HOMER2: variants seen among roughly 807,000 people sequenced by gnomAD.
The protein encoded by HOMER2 is homer protein homolog 2.
HOMER2 carries 27 observed loss-of-function variants against 47.0 expected under a neutral mutation model. The observed-to-expected ratio is 0.57, with a 90% CI of 0.42 to 0.79. The LOEUF (loss-of-function observed/expected upper bound fraction) is 0.79, where lower values mean the gene tolerates loss of function less well. HOMER2 is among the 30% of genes least tolerant of loss of function. The pLI is 0.00. For synonymous variants in HOMER2, 161 were observed against 163.8 expected (o/e 0.98, Z 0.13); for missense variants, 443 against 435.0 (o/e 1.02, Z -0.16).
chr15:82,975,628 A>T (rs1045983990), intron 1 of HOMER2, among the ~76,000 whole-genome samples: 1 of 152,266 alleles, frequency 6.6e-6, no homozygotes, highest in Non-Finnish European at 1.5e-5. Flanking sequence ...CAAACATTGC[A>T]TGTTCTCACT....
chr15:82,866,912 C>T (rs1010476073), intron 3 of HOMER2, among the ~76,000 whole-genome samples: 11 of 152,044 alleles, frequency 7.2e-5, no homozygotes, highest in Admixed American at 5.2e-4. Context: ...GACTAATATA[C>T]CCTATCAGAT....
At position 82,892,837 on chromosome 15, in the gene HOMER2, G is replaced by A; in HGVS notation, c.10C>T (p.Gln4Ter). ...TGCGCTCGGGTGGTGAAGATGGGCTGTTCTCTGCAATAAGAGAGTGGGCGT... is the reference window on the plus strand; with the variant it reads ...TGCGCTCGGGTGGTGAAGATGGGCTATTCTCTGCAATAAGAGAGTGGGCGT... The part of the protein sequence containing the change: MGE[Q>*]PIFTTRAHVF... The change falls in exon 2 of 9, where the codon CAG becomes TAG. Residue 4 changes from glutamine to a stop codon, truncating the protein, a stop_gained. Coordinates refer to ENST00000450735, the MANE Select transcript of HOMER2 (RefSeq NM_004839.4). LOFTEE classifies it high-confidence loss of function. 2 of 1,579,524 alleles carry A rather than the reference G, an allele frequency of 1.3e-6. No individual in the cohort carries two copies. Among genetic ancestry groups the A allele is most frequent in the Non-Finnish European group, 8.6e-7 (1 of 1,156,744 alleles).
chr15:82,961,796 T>TAA (rs2054632514), intron 1 of HOMER2, among the ~76,000 whole-genome samples: 1 of 152,104 alleles, frequency 6.6e-6, no homozygotes, highest in African/African-American at 2.4e-5. Flanking sequence ...TATTTTGAGA[T>TAA]AGAGTGGCCC....
In HOMER2 at chr15:82,852,214, T is replaced by C; in HGVS notation, c.690A>G (p.Arg230=). 1 of 1,613,968 alleles carries C rather than the reference T, an allele frequency of 6.2e-7. No individual in the cohort carries two copies. Among genetic ancestry groups the C allele is most frequent in the Non-Finnish European group, 8.5e-7 (1 of 1,179,854 alleles). The change falls in exon 7 of 9, where the codon AGA becomes AGG. Residue 230 remains arginine (R), a synonymous_variant. Coordinates refer to ENST00000450735, the MANE Select transcript of HOMER2 (RefSeq NM_004839.4). ...ELEEQCSEIN[R]EKEKNTQLKR... is the part of the protein sequence containing the mutation. ...TCAGCTGCGTGTTCTTCTCCTTCTC[T>C]CTGTTGATCTCACTGCATTGTTCTT...
chr15:82,968,312 A>G (rs1299964183), intron 1 of HOMER2, among the ~76,000 whole-genome samples: 1 of 152,250 alleles, frequency 6.6e-6, no homozygotes, highest in African/African-American at 2.4e-5. Flanking sequence ...CCAGTTAGTC[A>G]GTCAGTCCTC....
chr15:82,980,149 GT>G (rs966710919), intron 1 of HOMER2, among the ~76,000 whole-genome samples: 1 of 150,852 alleles, frequency 6.6e-6, no homozygotes, highest in Admixed American at 6.7e-5. Flanking sequence ...TGTACATCAT[GT>G]TTTTTTGTTA....
intron 1 of HOMER2, chr15:82,952,067 C>T (rs2054517904): frequency 1.0e-6 from 1 of 982,426 alleles, no homozygotes; most frequent in Admixed American, 6.1e-5. Context: ...CCAAAGTCCA[C>T]TATTCCTACG....
chr15:82,840,047 A>T (rs1471538878), exon 2 of HOMER2: 1 of 152,072 alleles, frequency 6.6e-6, no homozygotes, highest in Non-Finnish European at 1.5e-5. Flanking sequence ...CTCCAGTAAA[A>T]AATAAAGTCA....
intron 2 of HOMER2, among the ~76,000 whole-genome samples, chr15:82,891,296 C>G (rs3784366): frequency 0.16 from 24,663 of 152,090 alleles, 2,629 homozygotes; most frequent in African/African-American, 0.29. Context: ...CATTGCCTCT[C>G]CTTAGACCTC....
rs966214957 is a variant in HOMER2 at position 82,974,092 on chromosome 15, A to G, written n.82+11695T>C. ...CAGCCTGGGTGAAAAAATTAAGCCA[A>G]TGTCCTTCCCACTTAAAAATACTAA... On this transcript the variant is annotated intron_variant and non_coding_transcript_variant, in intron 1 of 1. Coordinates refer to the HOMER2 transcript ENST00000500334. 2.0e-5 allele frequency among the ~76,000 whole-genome samples: 3 copies of G among 151,362 alleles called. No individual in the cohort carries two copies. In the East Asian group the frequency reaches 5.9e-4, roughly 30 times the overall value.
intron 7 of HOMER2, 23 bp downstream of exon 7, chr15:82,852,119 C>A (rs1310779606): frequency 6.3e-7 from 1 of 1,574,884 alleles, no homozygotes; most frequent in South Asian, 1.1e-5. Flanking sequence ...CCAAGGGGCC[C>A]TGCTCGGAGC....
chr15:82,854,372 C>T (rs2051495010), intron 6 of HOMER2, among the ~76,000 whole-genome samples: 1 of 152,088 alleles, frequency 6.6e-6, no homozygotes, highest in African/African-American at 2.4e-5. Flanking sequence ...TGCCACTGCA[C>T]TCCAGCCTGG....
intron 1 of HOMER2, among the ~76,000 whole-genome samples, chr15:82,922,572 AT>A (rs1410743023): frequency 2.0e-5 from 3 of 152,222 alleles, no homozygotes; most frequent in Non-Finnish European, 4.4e-5. Context: ...GAGAGGCCAC[AT>A]TCAATAGAAA....
chr15:82,892,742 G>A lies in HOMER2; in HGVS notation c.105C>T (p.Ser35=), dbSNP rs1484836360. 1.2e-6 allele frequency: 2 copies of A among 1,605,842 alleles called. No homozygotes were observed. The highest frequency in any genetic ancestry group is 3.3e-5 in the Admixed American group (2 of 59,872). ...MPASKQAVTV[S]YFYDVTRNSY... ...TGTTCCTTGTGACATCATAGAAGTA[G>A]GAAACGGTGACCGCCTGCTTGCTCG... Residue 35 remains serine (S), a synonymous_variant, in exon 2 of 9, where the codon TCC becomes TCT. Transcript: ENST00000450735.
intron 1 of HOMER2, among the ~76,000 whole-genome samples, chr15:82,963,737 G>A (rs1361452548): frequency 1.3e-5 from 2 of 152,164 alleles, no homozygotes; most frequent in African/African-American, 2.4e-5. Context: ...AGCTGTGAAG[G>A]TAAAGGCTCC....
intron 2 of HOMER2, among the ~76,000 whole-genome samples, chr15:82,879,270 T>C (rs2052448050): frequency 6.6e-6 from 1 of 152,174 alleles, no homozygotes; most frequent in East Asian, 1.9e-4. Context: ...CAAAGGCAGA[T>C]GGATTGCTCG....
chr15:82,950,804 A>AT (rs201487640), intron 1 of HOMER2, among the ~76,000 whole-genome samples: 1,653 of 152,260 alleles, frequency 0.011, 9 homozygotes, highest in Non-Finnish European at 0.017. Context: ...AACAAAAATT[A>AT]TTTTTTGACA....
At chr15:82,892,948 A>C in intron 1 of HOMER2, 107 bp from the exon 2 acceptor site, 2 of 793,710 alleles carry the variant, frequency 2.5e-6, no homozygotes, top group East Asian at 2.7e-5. Context: ...GCTTATAGGG[A>C]AACATACATA....
At chr15:82,903,673 A>C (rs1316780258) in intron 1 of HOMER2, among the ~76,000 whole-genome samples, 1 of 151,924 alleles carries the variant, frequency 6.6e-6, no homozygotes, top group African/African-American at 2.4e-5. Flanking sequence ...ACACACACAC[A>C]CACACGCCAC....
Sources: allele counts gnomAD v4.1 joint callset (sites outside exome capture counted in the v4.1 genomes callset), GRCh38; gene constraint gnomAD v4.1.1; transcripts MANE v1.5; gene names NCBI Gene and HGNC (gene_info 2026-07-23, HGNC 2026-07-21).